SGCD: variants seen among roughly 807,000 people sequenced by gnomAD.
The protein encoded by SGCD is sarcoglycan delta.
A neutral mutation model predicts 36.6 loss-of-function variants in SGCD; 18 were observed. That is an observed-to-expected ratio of 0.49 (90% CI 0.34 to 0.73). The LOEUF is 0.73. SGCD is among the 30% of genes least tolerant of loss of function. The pLI is 0.01. For missense variants in SGCD, 387 were observed against 346.7 expected (o/e 1.12, Z -0.92); for synonymous variants, 133 against 130.6 (o/e 1.02, Z -0.12).
intron 3 of SGCD, among the ~76,000 whole-genome samples, chr5:156,221,588 A>G (rs1207581267): frequency 6.6e-6 from 1 of 151,898 alleles, no homozygotes; most frequent in Non-Finnish European, 1.5e-5. Context: ...CAAAAACAAC[A>G]ACTTATCAAA....
chr5:156,565,310 T>A (rs1356516772), intron 4 of SGCD, among the ~76,000 whole-genome samples: 3 of 152,222 alleles, frequency 2.0e-5, no homozygotes, highest in Non-Finnish European at 4.4e-5. Flanking sequence ...ATTTGACAGT[T>A]CTTCAAAGAA....
chr5:156,540,020 A>G (rs6885454), intron 4 of SGCD, among the ~76,000 whole-genome samples: 3 of 151,842 alleles, frequency 2.0e-5, no homozygotes, highest in Non-Finnish European at 4.4e-5. Context: ...TCTCTTTTAC[A>G]TATGCCACAC....
chr5:155,869,178 C>G (rs1755582979), upstream of SGCD, among the ~76,000 whole-genome samples: 4 of 152,210 alleles, frequency 2.6e-5, no homozygotes, highest in South Asian at 8.3e-4. Context: ...AATTTCATCT[C>G]CCTTTCTTGT....
At chr5:156,690,515 A>G (rs1754068326) in intron 7 of SGCD, among the ~76,000 whole-genome samples, 1 of 152,154 alleles carries the variant, frequency 6.6e-6, no homozygotes. Context: ...GCAAGAAGTC[A>G]GACTTACAGA....
At chr5:156,080,409 T>G (rs1201634127) in intron 1 of SGCD, among the ~76,000 whole-genome samples, 2 of 152,252 alleles carry the variant, frequency 1.3e-5, no homozygotes, top group African/African-American at 4.8e-5. Flanking sequence ...TAAGTCACCC[T>G]GCTTTAATTT....
intron 4 of SGCD, among the ~76,000 whole-genome samples, chr5:156,584,879 A>G (rs1295220941): frequency 1.3e-5 from 2 of 152,026 alleles, no homozygotes. Flanking sequence ...TTTGTTGACA[A>G]CTCTCACTCT....
At chr5:156,029,801 T>C (rs563998573) in intron 1 of SGCD, among the ~76,000 whole-genome samples, 3 of 152,326 alleles carry the variant, frequency 2.0e-5, no homozygotes, top group African/African-American at 7.2e-5. Flanking sequence ...TTTTTTTTAA[T>C]TTCACTTTAC....
At chr5:156,481,513 C>T (rs1755426479) in intron 3 of SGCD, among the ~76,000 whole-genome samples, 1 of 152,074 alleles carries the variant, frequency 6.6e-6, no homozygotes, top group Non-Finnish European at 1.5e-5. Flanking sequence ...CTTTGTGGAT[C>T]CAAAAAAACT....
At chr5:156,044,789 A>C (rs1348424364) in intron 1 of SGCD, among the ~76,000 whole-genome samples, 1 of 152,186 alleles carries the variant, frequency 6.6e-6, no homozygotes. Context: ...AATTAAAAAT[A>C]ACATTTCTAC....
chr5:156,611,365 A>G (rs1007589816), intron 6 of SGCD, among the ~76,000 whole-genome samples: 14 of 152,296 alleles, frequency 9.2e-5, no homozygotes, highest in Admixed American at 9.2e-4. Context: ...TATTTGTGAA[A>G]GACAGCATGC....
At position 156,497,644 on chromosome 5, in the gene SGCD, T is replaced by TCACA. The variant is rs200511711; in HGVS notation, c.193-10940_193-10937dup. 1.6e-4 allele frequency among the ~76,000 whole-genome samples: 23 copies of TCACA among 141,634 alleles called. No homozygotes were observed. The South Asian group carries it at 2.4e-3, about 14-fold the overall frequency. The allele number at this position is 141,634 out of a possible 152,430, so 92.9% of individuals were successfully genotyped here. On this transcript the variant is annotated intron_variant, in intron 3 of 8. Transcript: ENST00000337851. Reference sequence around the variant, plus strand: ...TGCTTTCTCTCTCTCTCTCTCTCTCTCACACACACACACACACACAGAAAA... The same window carrying TCACA: ...TGCTTTCTCTCTCTCTCTCTCTCTCTCACACACACACACACACACACACAGAAAA...
chr5:156,280,061 A>G (rs2127672923), intron 3 of SGCD, among the ~76,000 whole-genome samples: 1 of 152,050 alleles, frequency 6.6e-6, no homozygotes, highest in African/African-American at 2.4e-5. Context: ...ATAGCTTACT[A>G]TGGATGCATT....
At chr5:156,702,497 C>A (rs1444178688) in intron 7 of SGCD, among the ~76,000 whole-genome samples, 2 of 152,092 alleles carry the variant, frequency 1.3e-5, no homozygotes, top group Non-Finnish European at 2.9e-5. Context: ...TACTGAAACT[C>A]ATCCTAATAA....
At chr5:155,794,560 A>G in the SGCD span, among the ~76,000 whole-genome samples, 1 of 152,016 alleles carries the variant, frequency 6.6e-6, no homozygotes. Flanking sequence ...TAAATTTAAC[A>G]TAAAATTGAA....
chr5:155,767,147 G>T, the SGCD span, among the ~76,000 whole-genome samples: 53 of 152,182 alleles, frequency 3.5e-4, no homozygotes, highest in Non-Finnish European at 6.6e-4. Flanking sequence ...GTGTAACTTC[G>T]CAGATGCTTC....
chr5:155,966,210 G>A (rs565149921), intron 1 of SGCD, among the ~76,000 whole-genome samples: 7 of 152,172 alleles, frequency 4.6e-5, no homozygotes, highest in South Asian at 2.1e-4. Flanking sequence ...CCCAGTCAAC[G>A]TGAGACCACA....
At chr5:156,041,734 C>T (rs1188217623) in intron 1 of SGCD, among the ~76,000 whole-genome samples, 4 of 152,026 alleles carry the variant, frequency 2.6e-5, no homozygotes, top group Non-Finnish European at 5.9e-5. Context: ...AAAAAGGTTT[C>T]CTGTAAGGAA....
At chr5:155,856,576 G>A in the SGCD span, among the ~76,000 whole-genome samples, 1 of 151,642 alleles carries the variant, frequency 6.6e-6, no homozygotes, top group Non-Finnish European at 1.5e-5. Context: ...GCCTCAGAGT[G>A]GGAAAAAAAT....
At chr5:156,553,248 C>T (rs1034627163) in intron 4 of SGCD, among the ~76,000 whole-genome samples, 2 of 152,184 alleles carry the variant, frequency 1.3e-5, no homozygotes, top group Non-Finnish European at 2.9e-5. Flanking sequence ...TAGGCCCCAC[C>T]TCCATCAGTA....
Sources: allele counts gnomAD v4.1 joint callset (sites outside exome capture counted in the v4.1 genomes callset), GRCh38; gene constraint gnomAD v4.1.1; transcripts MANE v1.5; gene names NCBI Gene and HGNC (gene_info 2026-07-23, HGNC 2026-07-21).